Variants in DCC observed in about 807,000 individuals in gnomAD.
The protein encoded by DCC is DCC netrin 1 receptor.
A neutral mutation model predicts 172.5 loss-of-function variants in DCC; 58 were observed. The ratio of observed to expected loss-of-function variants is 0.34; its 90% CI spans 0.27 to 0.42. The LOEUF (loss-of-function observed/expected upper bound fraction) is 0.42. Ranked by LOEUF, DCC falls within the 10% of genes least tolerant of loss-of-function variation. The probability of loss-of-function intolerance (pLI) is 1.00; values close to 1 mark genes in which losing one functional copy is unlikely to be tolerated. For missense variants in DCC, 1,740 were observed against 1,791.0 expected, an observed-to-expected ratio of 0.97 and a Z score of 0.51; for synonymous variants, 709 against 644.5, an observed-to-expected ratio of 1.10 and a Z score of -1.52.
At chr18:52,703,178 C>A (rs897337785) in intron 1 of DCC, among the ~76,000 whole-genome samples, 1 of 152,132 alleles carries the variant, frequency 6.6e-6, no homozygotes, top group Non-Finnish European at 1.5e-5. Context: ...TTTTGAATAT[C>A]TCTTTCCTTC....
chr18:52,549,424 C>G (rs556613165), intron 1 of DCC, among the ~76,000 whole-genome samples: 1 of 152,016 alleles, frequency 6.6e-6, no homozygotes, highest in African/African-American at 2.4e-5. Context: ...CTTATAAGCA[C>G]AGTCCACTTT....
At chr18:53,186,011 G>A (rs1378766588) in intron 9 of DCC, among the ~76,000 whole-genome samples, 1 of 152,168 alleles carries the variant, frequency 6.6e-6, no homozygotes, top group Non-Finnish European at 1.5e-5. Flanking sequence ...TGAAAGTGAA[G>A]GACATAGCTT....
At chr18:52,802,643 CT>C (rs776080029) in intron 2 of DCC, among the ~76,000 whole-genome samples, 10 of 38,192 alleles carry the variant, frequency 2.6e-4, no homozygotes, top group South Asian at 2.2e-3. Context: ...CACGCCAAGC[CT>C]TTTTTTTTTT....
At chr18:52,747,806 G>A (rs1225350833) in intron 1 of DCC, among the ~76,000 whole-genome samples, 2 of 152,166 alleles carry the variant, frequency 1.3e-5, no homozygotes, top group East Asian at 1.9e-4. Context: ...GGTTGAGGGG[G>A]TTTATCTAAA....
At chr18:52,984,137 C>T (rs1270202150) in intron 5 of DCC, among the ~76,000 whole-genome samples, 1 of 151,870 alleles carries the variant, frequency 6.6e-6, no homozygotes, top group East Asian at 1.9e-4. Flanking sequence ...TCCCAATGAG[C>T]TATATAGAAA....
At chr18:52,700,146 C>CCA (rs920759662) in intron 1 of DCC, among the ~76,000 whole-genome samples, 24 of 151,542 alleles carry the variant, frequency 1.6e-4, no homozygotes, top group East Asian at 3.9e-4. Flanking sequence ...CTCTCTTGCC[C>CCA]CACACACACA....
At chr18:52,819,910 T>C (rs937581279) in intron 2 of DCC, among the ~76,000 whole-genome samples, 1 of 151,914 alleles carries the variant, frequency 6.6e-6, no homozygotes, top group African/African-American at 2.4e-5. Context: ...TTAGTAGAGA[T>C]GGGGTTTCAC....
At chr18:52,845,769 G>A (rs921976430) in intron 2 of DCC, among the ~76,000 whole-genome samples, 5 of 152,188 alleles carry the variant, frequency 3.3e-5, no homozygotes, top group Non-Finnish European at 4.4e-5. Context: ...ATGGATCAGG[G>A]CACACTCAGA....
At chr18:52,416,968 C>T (rs934146862) in intron 1 of DCC, among the ~76,000 whole-genome samples, 5 of 150,168 alleles carry the variant, frequency 3.3e-5, no homozygotes, top group Middle Eastern at 3.2e-3. Context: ...TTCCTAGCCT[C>T]GATGGTCTTT....
At chr18:53,012,797 C>T (rs868553962) in intron 5 of DCC, among the ~76,000 whole-genome samples, 1 of 152,010 alleles carries the variant, frequency 6.6e-6, no homozygotes, top group African/African-American at 2.4e-5. Context: ...AGGCAACCTA[C>T]AGAATGGGAG....
At chr18:52,573,837 A>G (rs919168782) in intron 1 of DCC, among the ~76,000 whole-genome samples, 1 of 152,216 alleles carries the variant, frequency 6.6e-6, no homozygotes, top group African/African-American at 2.4e-5. Flanking sequence ...TCTAGATTTT[A>G]GATGTCCAGA....
chr18:52,817,174 A>G (rs115704821), intron 2 of DCC, among the ~76,000 whole-genome samples: 1 of 152,182 alleles, frequency 6.6e-6, no homozygotes, highest in East Asian at 1.9e-4. Context: ...CAATATATAC[A>G]TATGTAAGAA....
intron 5 of DCC, among the ~76,000 whole-genome samples, chr18:53,004,910 A>G (rs1476113549): frequency 6.6e-6 from 1 of 152,202 alleles, no homozygotes; most frequent in Non-Finnish European, 1.5e-5. Context: ...CCAATGCACC[A>G]GTGTTGACAG....
chr18:52,694,866 A>T (rs1225604474), intron 1 of DCC, among the ~76,000 whole-genome samples: 1 of 152,224 alleles, frequency 6.6e-6, no homozygotes, highest in African/African-American at 2.4e-5. Context: ...GTAACACTGT[A>T]TAATTCTACT....
intron 2 of DCC, among the ~76,000 whole-genome samples, chr18:52,858,488 A>G (rs1222432211): frequency 1.3e-5 from 2 of 152,196 alleles, no homozygotes; most frequent in African/African-American, 4.8e-5. Context: ...GCCCTAGGAT[A>G]TTAAGACATA....
At chr18:53,081,691 C>T (rs777623825) in intron 7 of DCC, among the ~76,000 whole-genome samples, 1 of 151,806 alleles carries the variant, frequency 6.6e-6, no homozygotes, top group East Asian at 1.9e-4. Context: ...CCAGAGGTAC[C>T]GCTTGTAAGC....
chr18:52,652,662 A>G (rs191609163), intron 1 of DCC, among the ~76,000 whole-genome samples: 41 of 150,744 alleles, frequency 2.7e-4, no homozygotes, highest in African/African-American at 9.0e-4. Context: ...ATGTGCTCCC[A>G]TTAGTGAGCG....
intron 1 of DCC, among the ~76,000 whole-genome samples, chr18:52,489,088 A>T (rs529534948): frequency 5.3e-5 from 8 of 152,174 alleles, no homozygotes; most frequent in Admixed American, 2.0e-4. Flanking sequence ...TGTTTCTCAA[A>T]CATTAATGTG....
At chr18:52,951,186 T>A (rs977632767) in intron 5 of DCC, among the ~76,000 whole-genome samples, 7 of 152,144 alleles carry the variant, frequency 4.6e-5, no homozygotes, top group African/African-American at 1.7e-4. Context: ...GGAGTGGCAC[T>A]GACATGAGAA....
Sources: allele counts gnomAD v4.1 joint callset (sites outside exome capture counted in the v4.1 genomes callset), GRCh38; gene constraint gnomAD v4.1.1; transcripts MANE v1.5; gene names NCBI Gene and HGNC (gene_info 2026-07-23, HGNC 2026-07-21).